SNTG1: variants seen among roughly 807,000 people sequenced by gnomAD.
SNTG1 encodes the protein gamma-1-syntrophin.
A neutral mutation model predicts 74.7 loss-of-function variants in SNTG1; 39 were observed. That is an observed-to-expected ratio of 0.52 (90% CI 0.40 to 0.68). The LOEUF is 0.68. Among genes scored for constraint, SNTG1 ranks in the 30% least tolerant of loss-of-function variants. SNTG1 has a pLI of 0.00. For synonymous variants in SNTG1, 254 were observed against 217.1 expected (o/e 1.17, Z -1.49); for missense variants, 685 against 609.5 (o/e 1.12, Z -1.30).
chr8:50,690,184 CT>C (rs890484551), intron 15 of SNTG1, among the ~76,000 whole-genome samples: 4 of 151,890 alleles, frequency 2.6e-5, no homozygotes, highest in African/African-American at 9.7e-5. Context: ...TTTTGTTGAT[CT>C]TTTCAAAAAA....
chr8:50,488,191 C>A (rs553981487), intron 8 of SNTG1, among the ~76,000 whole-genome samples: 1 of 152,034 alleles, frequency 6.6e-6, no homozygotes, highest in South Asian at 2.1e-4. Flanking sequence ...AGATGATGAT[C>A]ATCCTGAAAT....
At chr8:50,414,998 C>A (rs147320961) in intron 4 of SNTG1, among the ~76,000 whole-genome samples, 1 of 152,276 alleles carries the variant, frequency 6.6e-6, no homozygotes, top group East Asian at 1.9e-4. Flanking sequence ...TGTCTTCTTC[C>A]TTTCATCTGG....
At chr8:50,215,963 A>G (rs928472908) in intron 2 of SNTG1, among the ~76,000 whole-genome samples, 1 of 152,210 alleles carries the variant, frequency 6.6e-6, no homozygotes, top group Admixed American at 6.5e-5. Context: ...TAACAAATCT[A>G]TCAAGATTTA....
At chr8:50,297,071 T>C (rs781335710) in intron 2 of SNTG1, among the ~76,000 whole-genome samples, 4 of 152,224 alleles carry the variant, frequency 2.6e-5, no homozygotes, top group Non-Finnish European at 5.9e-5. Context: ...TATATTTTCA[T>C]GGTCTTTAAT....
chr8:50,758,773 C>A (rs2095588599), intron 18 of SNTG1, among the ~76,000 whole-genome samples: 1 of 152,022 alleles, frequency 6.6e-6, no homozygotes, highest in Non-Finnish European at 1.5e-5. Context: ...AACAGTGCAG[C>A]AATAAACATA....
intron 2 of SNTG1, among the ~76,000 whole-genome samples, chr8:50,373,840 C>T (rs1195251373): frequency 1.3e-5 from 2 of 152,130 alleles, no homozygotes; most frequent in African/African-American, 4.8e-5. Context: ...CACCTGTTCG[C>T]ATGCCTTAGC....
At chr8:50,729,349 C>T (rs1222811827) in intron 17 of SNTG1, among the ~76,000 whole-genome samples, 1 of 152,160 alleles carries the variant, frequency 6.6e-6, no homozygotes, top group Non-Finnish European at 1.5e-5. Flanking sequence ...ACAAGGGCCT[C>T]TGACTAAGAA....
chr8:50,327,776 A>G (rs1428586336), intron 2 of SNTG1, among the ~76,000 whole-genome samples: 1 of 151,848 alleles, frequency 6.6e-6, no homozygotes, highest in Non-Finnish European at 1.5e-5. Flanking sequence ...TTTCAATTGC[A>G]CATTTTATAT....
chr8:50,458,207 A>AT (rs2093525869), intron 8 of SNTG1: 1 of 151,928 alleles, frequency 6.6e-6, no homozygotes, highest in African/African-American at 2.4e-5. Flanking sequence ...CAGGAAAAAA[A>AT]AAACTGAGGA....
intron 1 of SNTG1, among the ~76,000 whole-genome samples, chr8:49,964,061 C>T (rs1408152737): frequency 6.6e-6 from 1 of 152,218 alleles, no homozygotes; most frequent in African/African-American, 2.4e-5. Context: ...ATAGTAGGCA[C>T]TCAGTGTGAT....
chr8:50,581,192 T>C (rs1465620920), intron 12 of SNTG1, among the ~76,000 whole-genome samples: 1 of 152,226 alleles, frequency 6.6e-6, no homozygotes, highest in African/African-American at 2.4e-5. Flanking sequence ...GCATTTATGA[T>C]GTTCTTTTGT....
At chr8:50,188,447 T>C (rs1292995344) in intron 2 of SNTG1, among the ~76,000 whole-genome samples, 1 of 152,120 alleles carries the variant, frequency 6.6e-6, no homozygotes, top group African/African-American at 2.4e-5. Context: ...CAGCTGCCCA[T>C]CTCAGACAGT....
chr8:50,282,107 G>T (rs1224489499), intron 2 of SNTG1, among the ~76,000 whole-genome samples: 3 of 152,100 alleles, frequency 2.0e-5, no homozygotes, highest in African/African-American at 7.2e-5. Context: ...ACCAGAAACA[G>T]TCTAACCATA....
intron 1 of SNTG1, among the ~76,000 whole-genome samples, chr8:49,972,601 T>C (rs1211998276): frequency 6.6e-6 from 1 of 151,826 alleles, no homozygotes; most frequent in Non-Finnish European, 1.5e-5. Context: ...GGAAGAAAAT[T>C]TTTGCAACCT....
intron 2 of SNTG1, among the ~76,000 whole-genome samples, chr8:50,205,620 T>A (rs1169463133): frequency 1.3e-5 from 2 of 152,208 alleles, no homozygotes; most frequent in African/African-American, 4.8e-5. Flanking sequence ...GCTTTTGGTG[T>A]TTTAGTCATG....
At chr8:50,046,509 G>C (rs1431029316) in intron 1 of SNTG1, among the ~76,000 whole-genome samples, 1 of 152,196 alleles carries the variant, frequency 6.6e-6, no homozygotes, top group Non-Finnish European at 1.5e-5. Context: ...TCATCAAATG[G>C]TAAGTTAATT....
intron 1 of SNTG1, among the ~76,000 whole-genome samples, chr8:50,059,913 T>C (rs1472612824): frequency 6.6e-6 from 1 of 152,132 alleles, no homozygotes; most frequent in Non-Finnish European, 1.5e-5. Context: ...CTTGAAGAAC[T>C]ACCAGCCCGT....
rs956478333 is a variant in SNTG1, at chr8:50,315,511, G to A, written c.-27-78701G>A. On this transcript the variant is annotated intron_variant, in intron 2 of 18. Coordinates refer to ENST00000642720, the MANE Select transcript of SNTG1 (RefSeq NM_018967.5). ...TTTAAGAGTAGATAAAAAATAAAATGTTAGATATAATGAACTAATACTATA... is the reference window on the plus strand; with the variant it reads ...TTTAAGAGTAGATAAAAAATAAAATATTAGATATAATGAACTAATACTATA... Among the ~76,000 whole-genome samples the A allele has an allele frequency of 6.7e-5, 10 of 149,816 alleles. No individual in the cohort carries two copies. In the East Asian group the frequency reaches 1.8e-3, roughly 27 times the overall value.
chr8:50,360,457 G>A (rs939472292), intron 2 of SNTG1, among the ~76,000 whole-genome samples: 1 of 152,126 alleles, frequency 6.6e-6, no homozygotes, highest in Non-Finnish European at 1.5e-5. Context: ...GTGTGGGTGG[G>A]TTATCACTAA....
Sources: gnomAD v4.1 joint callset for allele counts (sites outside exome capture counted in the v4.1 genomes callset) on GRCh38, gnomAD v4.1.1 for gene constraint, MANE v1.5 for transcripts, NCBI Gene and HGNC (gene_info 2026-07-23, HGNC 2026-07-21) for gene names.